The following LDB2 variants were observed in gnomAD, a reference collection of about 807,000 sequenced individuals.
The protein encoded by LDB2 is LIM domain-binding protein 2.
In LDB2, 12 loss-of-function variants were observed where a neutral mutation model predicts 44.3. That is an observed-to-expected ratio of 0.27 (90% CI 0.17 to 0.44). LDB2 has a LOEUF of 0.44. Among genes scored for constraint, LDB2 ranks in the 20% least tolerant of loss-of-function variants. The pLI, the probability that LDB2 is intolerant of heterozygous loss-of-function variation, is 1.00. For missense variants in LDB2, 344 were observed against 473.5 expected (o/e 0.73, Z 2.54); for synonymous variants, 164 against 174.8 (o/e 0.94, Z 0.49).
intron 5 of LDB2, among the ~76,000 whole-genome samples, chr4:16,517,208 A>C (rs1724077761): frequency 6.6e-6 from 1 of 152,098 alleles, no homozygotes; most frequent in Non-Finnish European, 1.5e-5. Flanking sequence ...CTGTCTTTCA[A>C]ATTTTGTACA....
intron 5 of LDB2, among the ~76,000 whole-genome samples, chr4:16,534,788 G>A (rs1731213170): frequency 6.6e-6 from 1 of 152,118 alleles, no homozygotes; most frequent in African/African-American, 2.4e-5. Flanking sequence ...CTTCTGTAGG[G>A]TCTCCCTTGC....
At chr4:16,587,775 T>C (rs1181275365) in intron 4 of LDB2, among the ~76,000 whole-genome samples, 1 of 152,136 alleles carries the variant, frequency 6.6e-6, no homozygotes, top group Non-Finnish European at 1.5e-5. Flanking sequence ...CTAAAAAACA[T>C]GGGGCAACTT....
intron 1 of LDB2, among the ~76,000 whole-genome samples, chr4:16,784,741 A>G (rs1774013676): frequency 6.6e-6 from 1 of 152,140 alleles, no homozygotes; most frequent in East Asian, 1.9e-4. Flanking sequence ...CTAGCCTGCC[A>G]TGGTAGCCCA....
At chr4:16,832,123 A>G (rs1247016376) in intron 1 of LDB2, among the ~76,000 whole-genome samples, 1 of 152,234 alleles carries the variant, frequency 6.6e-6, no homozygotes, top group Non-Finnish European at 1.5e-5. Flanking sequence ...AACTGAATCA[A>G]AAGAAAATAA....
At position 16,582,024 on chromosome 4, in the gene LDB2, AGG is replaced by A. The variant is rs1360290445; in HGVS notation, c.615+3896_615+3897del. On this transcript the variant is annotated intron_variant, in intron 5 of 7. Coordinates refer to ENST00000304523, the MANE Select transcript of LDB2 (RefSeq NM_001290.5). The surrounding 1 kb of genome is among the most constrained non-coding windows in gnomAD (Gnocchi z 4.8). ...AGGGAAGGAAGGAAGGAAGGAAGGAAGGAAGGAAGGAAGGAAGGAAGGAAGGA... is the reference window on the plus strand; with the variant it reads ...AGGGAAGGAAGGAAGGAAGGAAGGAAAAGGAAGGAAGGAAGGAAGGAAGGA... Among the ~76,000 whole-genome samples the A allele has an allele frequency of 6.6e-6, 1 of 151,318 alleles. No individual in the cohort carries two copies. The highest frequency in any genetic ancestry group is 1.5e-5 in the Non-Finnish European group (1 of 67,724).
chr4:16,886,461 G>A (rs1263213063), intron 1 of LDB2, among the ~76,000 whole-genome samples: 1 of 152,124 alleles, frequency 6.6e-6, no homozygotes, highest in Admixed American at 6.5e-5. Context: ...AAAGATTTAT[G>A]TATATGTATG....
intron 7 of LDB2, chr4:16,506,023 T>G (rs564909381): frequency 1.3e-6 from 2 of 1,543,232 alleles, no homozygotes; most frequent in East Asian, 2.4e-5. Context: ...GATTAAACCC[T>G]AGCCCTCGCC....
chr4:16,713,959 A>G (rs1272261406), intron 2 of LDB2, among the ~76,000 whole-genome samples: 1 of 152,188 alleles, frequency 6.6e-6, no homozygotes, highest in East Asian at 1.9e-4. Context: ...GAAATGACAA[A>G]TGTTAGGTCA....
chr4:16,762,602 A>G (rs1474383301), intron 1 of LDB2, among the ~76,000 whole-genome samples: 1 of 152,156 alleles, frequency 6.6e-6, no homozygotes, highest in Non-Finnish European at 1.5e-5. Context: ...TATCACGAGA[A>G]CAAGATAAGG....
intron 2 of LDB2, among the ~76,000 whole-genome samples, chr4:16,754,761 A>G (rs984803789): frequency 2.0e-5 from 3 of 152,128 alleles, no homozygotes; most frequent in African/African-American, 7.2e-5. Flanking sequence ...TGGACTCCTG[A>G]CCTCAGGTGA....
chr4:16,888,719 ATCG>A (rs1217363659), intron 1 of LDB2: 14 of 984,656 alleles, frequency 1.4e-5, no homozygotes, highest in Non-Finnish European at 1.6e-5. Flanking sequence ...TATCGTCGTC[ATCG>A]TCGTCATCAT....
intron 2 of LDB2, among the ~76,000 whole-genome samples, chr4:16,625,641 T>C (rs1009355254): frequency 6.6e-6 from 1 of 152,158 alleles, no homozygotes; most frequent in Non-Finnish European, 1.5e-5. Flanking sequence ...ATAAAGTCTT[T>C]GGGCAGTACA....
At chr4:16,704,922 T>C (rs1269396219) in intron 2 of LDB2, among the ~76,000 whole-genome samples, 1 of 152,200 alleles carries the variant, frequency 6.6e-6, no homozygotes, top group African/African-American at 2.4e-5. Context: ...TCCTGTCTGC[T>C]TCCTCTAGGT....
chr4:16,851,331 A>G (rs1253221409), intron 1 of LDB2, among the ~76,000 whole-genome samples: 1 of 152,130 alleles, frequency 6.6e-6, no homozygotes, highest in Non-Finnish European at 1.5e-5. Flanking sequence ...TAGTATGGGG[A>G]GTAAATGGAA....
chr4:16,596,402 G>C (rs1720924120), intron 2 of LDB2, among the ~76,000 whole-genome samples: 1 of 151,988 alleles, frequency 6.6e-6, no homozygotes, highest in South Asian at 2.1e-4. Flanking sequence ...GAGAGTGCAG[G>C]ACTGAGATCC....
intron 5 of LDB2, among the ~76,000 whole-genome samples, chr4:16,548,601 G>T (rs1467721697): frequency 1.3e-5 from 2 of 152,212 alleles, no homozygotes; most frequent in African/African-American, 4.8e-5. Context: ...AAGTAGGGGT[G>T]CAGGGAATCT....
intron 2 of LDB2, chr4:16,674,138 C>T (rs1745638872): frequency 3.9e-6 from 3 of 777,316 alleles, no homozygotes; most frequent in Middle Eastern, 2.7e-4. Context: ...GAATATTTCC[C>T]ATTTTACGCA....
chr4:16,562,139 C>T (rs1742589348), intron 5 of LDB2, among the ~76,000 whole-genome samples: 1 of 152,126 alleles, frequency 6.6e-6, no homozygotes, highest in Admixed American at 6.5e-5. Flanking sequence ...TAGGCATTAC[C>T]ATTCAGGACA....
At chr4:16,880,478 G>A (rs774050198) in intron 1 of LDB2, among the ~76,000 whole-genome samples, 1 of 152,148 alleles carries the variant, frequency 6.6e-6, no homozygotes, top group South Asian at 2.1e-4. Context: ...GCATAGACAT[G>A]TCCCATAGCC....
Sources: gnomAD v4.1 joint callset for allele counts (sites outside exome capture counted in the v4.1 genomes callset) on GRCh38, gnomAD v4.1.1 for gene constraint, Gnocchi (gnomAD v3.1) non-coding constraint, MANE v1.5 for transcripts, NCBI Gene and HGNC (gene_info 2026-07-23, HGNC 2026-07-21) for gene names.